Variants in ZNF462 observed in about 807,000 individuals in gnomAD.
ZNF462 encodes the protein zinc finger protein 462, also known as zinc finger PBX1-interacting protein.
ZNF462 carries 10 observed loss-of-function variants against 201.9 expected under a neutral mutation model. That is an observed-to-expected ratio of 0.05 (90% CI 0.03 to 0.08). ZNF462 has a LOEUF of 0.08. Ranked by LOEUF, ZNF462 falls within the 10% of genes least tolerant of loss-of-function variation. The pLI, the probability that ZNF462 is intolerant of heterozygous loss-of-function variation, is 1.00. For missense variants in ZNF462, 2,523 were observed against 3,168.3 expected, an observed-to-expected ratio of 0.80 and a Z score of 4.89; for synonymous variants, 1,227 against 1,193.3, an observed-to-expected ratio of 1.03 and a Z score of -0.58.
Position 106,966,090 on chromosome 9 carries a change from TTC to T in ZNF462, c.6428-5913_6428-5912del, listed in dbSNP as rs1832057281. On this transcript the variant is annotated intron_variant, in intron 7 of 12. Coordinates refer to ENST00000277225, the MANE Select transcript of ZNF462 (RefSeq NM_021224.6). The surrounding 1 kb of genome is among the most constrained non-coding windows in gnomAD (Gnocchi z 4.4). ...TATCTTAAGTTATCCACAGATAATATTCTGTTTCTAATGGCCCATGCTACCAA... is the reference window on the plus strand; with the variant it reads ...TATCTTAAGTTATCCACAGATAATATTGTTTCTAATGGCCCATGCTACCAA... 6.6e-6 allele frequency among the ~76,000 whole-genome samples: 1 copy of T among 152,068 alleles called. No individual in the cohort carries two copies. The highest frequency in any genetic ancestry group is 1.5e-5 in the Non-Finnish European group (1 of 67,980).
rs2072274598 is a variant in ZNF462, at chr9:106,928,924, C to T, written c.5012C>T (p.Thr1671Met). 6.2e-7 allele frequency: 1 copy of T among 1,613,950 alleles called. No homozygotes were observed. The highest frequency in any genetic ancestry group is 8.5e-7 in the Non-Finnish European group (1 of 1,180,032). ...CAGCTCTGCAAGTACTTCTGCTCCA[C>T]GAGGAAGGGGATCGCCAGGCACTAC... The part of the protein sequence containing the change: ...RCQLCKYFCS[T>M]RKGIARHYRI... The change falls in exon 3 of 13, where the codon ACG becomes ATG. Residue 1671 changes from threonine (T) to methionine (M), a missense_variant. Coordinates refer to ENST00000277225, the MANE Select transcript of ZNF462 (RefSeq NM_021224.6). The surrounding 1 kb of genome is among the most constrained non-coding windows in gnomAD (Gnocchi z 9.3).
rs189909922 is a variant in ZNF462 at position 107,005,194 on chromosome 9, T to G, written c.7189+1768T>G. Among the ~76,000 whole-genome samples, 6 of 152,304 alleles carry G rather than the reference T, an allele frequency of 3.9e-5. No homozygotes were observed. The highest frequency in any genetic ancestry group is 1.2e-4 in the African/African-American group (5 of 41,578). ...TGAACGTGAGAGTGCAGATATTTCT[T>G]CAATATCCTGCTTTCATTTCCTTTG... On this transcript the variant is annotated intron_variant, in intron 11 of 12. Coordinates refer to ENST00000277225, the MANE Select transcript of ZNF462 (RefSeq NM_021224.6). The surrounding 1 kb of genome is among the most constrained non-coding windows in gnomAD (Gnocchi z 4.4).
Position 106,984,470 on chromosome 9 carries a change from GAC to G in ZNF462, c.7056+64_7056+65del, listed in dbSNP as rs1827677301. The G allele has an allele frequency of 7.4e-7, 1 of 1,355,814 alleles. No individual in the cohort carries two copies. Among genetic ancestry groups the G allele is most frequent in the Admixed American group, 1.9e-5 (1 of 51,364 alleles). 84.0% of individuals were successfully genotyped at this position (1,355,814 alleles called of 1,614,324 possible). ...ACTTGTGGGGAGGGGCCAAGGGGGA[GAC>G]ACCACTGCATTTAGTCACGACCACT... On this transcript the variant is annotated intron_variant, in intron 10 of 12. Coordinates refer to ENST00000277225, the MANE Select transcript of ZNF462 (RefSeq NM_021224.6). This position sits in a 1 kb window ranked among gnomAD's most constrained non-coding sequence, Gnocchi z 6.4.
At chr9:106,862,397 G>A (rs1198593311), upstream of ZNF462, among the ~76,000 whole-genome samples, 5 of 152,098 alleles carry the variant, frequency 3.3e-5, no homozygotes, top group Admixed American at 2.6e-4. This position sits in a 1 kb window ranked among gnomAD's most constrained non-coding sequence, Gnocchi z 4.2. Context: ...TCCTCACCGG[G>A]GGCTTCCTCT....
rs1286972243 is a variant in ZNF462, at chr9:106,977,631, G to A, written c.6832+3358G>A. ...CTATGCTTGGTTCTTTGGGCAAAAT[G>A]GGGAACATAAGACCCAGCACCCACT... On this transcript the variant is annotated intron_variant, in intron 9 of 12. Transcript: ENST00000277225. The surrounding 1 kb of genome is among the most constrained non-coding windows in gnomAD (Gnocchi z 4.6). Among the ~76,000 whole-genome samples, 1 of 151,476 alleles carries A rather than the reference G, an allele frequency of 6.6e-6. No individual in the cohort carries two copies. The highest frequency in any genetic ancestry group is 2.1e-4 in the South Asian group (1 of 4,822).
rs1422498599 is a variant in ZNF462, at chr9:106,929,230, C to T, written c.5318C>T (p.Ser1773Phe). ...AVEKKKCSLCSFQSFSKKGIV... is the reference protein window; with the variant it reads ...AVEKKKCSLCFFQSFSKKGIV... ...GAGAAGAAAAAGTGCTCCTTGTGCT[C>T]TTTCCAGTCGTTCAGCAAGAAGGGC... The change falls in exon 3 of 13, where the codon TCT becomes TTT. Residue 1773 changes from serine (S) to phenylalanine (F), a missense_variant. Ser to Phe is a radical substitution (Grantham distance 155). Transcript: ENST00000277225. This position sits in a 1 kb window ranked among gnomAD's most constrained non-coding sequence, Gnocchi z 8.7. The T allele has an allele frequency of 6.2e-7, 1 of 1,614,200 alleles. No individual in the cohort carries two copies. Among genetic ancestry groups the T allele is most frequent in the Non-Finnish European group, 8.5e-7 (1 of 1,180,044 alleles).
At chr9:106,946,762 A>G (rs1229820692) in intron 7 of ZNF462, among the ~76,000 whole-genome samples, 1 of 152,180 alleles carries the variant, frequency 6.6e-6, no homozygotes, top group Non-Finnish European at 1.5e-5. Context: ...TGAGGCCAGG[A>G]GTTCAAGACC....
rs1346055082 is a variant in ZNF462, at chr9:106,905,151, G to A, written c.-30-18203G>A. 6.6e-6 allele frequency among the ~76,000 whole-genome samples: 1 copy of A among 152,110 alleles called. No individual in the cohort carries two copies. The highest frequency in any genetic ancestry group is 2.4e-5 in the African/African-American group (1 of 41,416). ...GTAGTACTCTCCCCCTTTTCCTATGGATGTGGCTTCCTATGAGCCAAACTT... is the reference window on the plus strand; with the variant it reads ...GTAGTACTCTCCCCCTTTTCCTATGAATGTGGCTTCCTATGAGCCAAACTT... On this transcript the variant is annotated intron_variant, in intron 1 of 12. Coordinates refer to ENST00000277225, the MANE Select transcript of ZNF462 (RefSeq NM_021224.6). The surrounding 1 kb of genome is among the most constrained non-coding windows in gnomAD (Gnocchi z 5.9).
chr9:106,864,453 C>G (rs559997781), intron 1 of ZNF462, among the ~76,000 whole-genome samples: 1 of 151,936 alleles, frequency 6.6e-6, no homozygotes, highest in African/African-American at 2.4e-5. Flanking sequence ...GCCGCAGCCG[C>G]CCCCCATTGG....
intron 9 of ZNF462, among the ~76,000 whole-genome samples, chr9:106,980,933 C>T (rs1215952950): frequency 6.6e-6 from 1 of 152,180 alleles, no homozygotes; most frequent in Admixed American, 6.5e-5. Context: ...CCAGTCTATA[C>T]CTGGAACCAT....
Position 106,977,877 on chromosome 9 carries a change from AC to A in ZNF462, c.6832+3605del, listed in dbSNP as rs1174360063. On this transcript the variant is annotated intron_variant, in intron 9 of 12. Coordinates refer to ENST00000277225, the MANE Select transcript of ZNF462 (RefSeq NM_021224.6). This position sits in a 1 kb window ranked among gnomAD's most constrained non-coding sequence, Gnocchi z 4.6. ...TAAAACAATAGAAATGTATTCTCTC[AC>A]AGTTCTGGAAGCTAGAACTCTGAAA... 1.3e-5 allele frequency among the ~76,000 whole-genome samples: 2 copies of A among 151,538 alleles called. No homozygotes were observed. The highest frequency in any genetic ancestry group is 2.9e-5 in the Non-Finnish European group (2 of 68,036).
In ZNF462 at chr9:106,895,614, A is replaced by G. The variant is rs577978568; in HGVS notation, c.-30-27740A>G. On this transcript the variant is annotated intron_variant, in intron 1 of 12. Transcript: ENST00000277225. The surrounding 1 kb of genome is among the most constrained non-coding windows in gnomAD (Gnocchi z 4.4). ...GAGGGAGGGAAGGCTCTGACATTTG[A>G]AACTGGATAGATCTTACGTTATTTA... Among the ~76,000 whole-genome samples, 1 of 152,298 alleles carries G rather than the reference A, an allele frequency of 6.6e-6. No individual in the cohort carries two copies. Among genetic ancestry groups the G allele is most frequent in the South Asian group, 2.1e-4 (1 of 4,824 alleles).
At position 106,926,266 on chromosome 9, in the gene ZNF462, A is replaced by G. The variant is rs150236460; in HGVS notation, c.2354A>G (p.Asn785Ser). The G allele has an allele frequency of 5.8e-5, 93 of 1,614,158 alleles. No homozygotes were observed. The highest frequency in any genetic ancestry group is 5.2e-4 in the African/African-American group (39 of 75,034). The change falls in exon 3 of 13, where the codon AAT becomes AGT. Residue 785 changes from asparagine to serine, a missense_variant. By Grantham distance (46) the Asn-to-Ser change is conservative. Coordinates refer to ENST00000277225, the MANE Select transcript of ZNF462 (RefSeq NM_021224.6). The surrounding 1 kb of genome is among the most constrained non-coding windows in gnomAD (Gnocchi z 7.9). ...ATCACCCACGATTACAATGCCACCA[A>G]TGGGGCTGAGATTGAGCTCACCCTT... ...RNITHDYNAT[N>S]GAEIELTLSE...
chr9:106,886,715 A>C lies in ZNF462; in HGVS notation c.-31+23360A>C, dbSNP rs897466759. On this transcript the variant is annotated intron_variant, in intron 1 of 12. Coordinates refer to ENST00000277225, the MANE Select transcript of ZNF462 (RefSeq NM_021224.6). This position sits in a 1 kb window ranked among gnomAD's most constrained non-coding sequence, Gnocchi z 4.6. ...CCACAATGTAGGAAGTTAGTTAAGG[A>C]AGCCTGAAATGGAATATCAGTTTTC... Among the ~76,000 whole-genome samples the C allele has an allele frequency of 6.6e-6, 1 of 152,188 alleles. No homozygotes were observed. Among genetic ancestry groups the C allele is most frequent in the African/African-American group, 2.4e-5 (1 of 41,452 alleles).
rs1238385151 is a variant in ZNF462, at chr9:106,922,879, A to G, written c.-30-475A>G. Among the ~76,000 whole-genome samples the G allele has an allele frequency of 2.0e-5, 3 of 152,234 alleles. No individual in the cohort carries two copies. In the South Asian group the frequency reaches 6.2e-4, roughly 32 times the overall value. ...AAATACTATTTCACTAATTGGTGAT[A>G]AAACACCAAGGTCATAATACTAAAT... On this transcript the variant is annotated intron_variant, in intron 1 of 12. Transcript: ENST00000277225.
chr9:106,965,738 C>G (rs1317203634), intron 7 of ZNF462, among the ~76,000 whole-genome samples: 1 of 152,078 alleles, frequency 6.6e-6, no homozygotes, highest in African/African-American at 2.4e-5. Flanking sequence ...AGTCTTTCAG[C>G]TTTAGATGAA....
chr9:106,893,075 T>G (rs1214994890), intron 1 of ZNF462, among the ~76,000 whole-genome samples: 1 of 152,242 alleles, frequency 6.6e-6, no homozygotes, highest in Non-Finnish European at 1.5e-5. Context: ...AGACAAATCC[T>G]TGCCTTACAT....
At chr9:106,994,668 T>C (rs1828560700) in intron 10 of ZNF462, among the ~76,000 whole-genome samples, 1 of 152,152 alleles carries the variant, frequency 6.6e-6, no homozygotes, top group Non-Finnish European at 1.5e-5. Flanking sequence ...CTCTGTCTCT[T>C]CCGTGTGTTG....
Position 106,968,361 on chromosome 9 carries a change from T to C in ZNF462, c.6428-3644T>C, listed in dbSNP as rs1832176786. The stretch of plus-strand genomic sequence containing the variant: ...GACCATCATTGCTAAAATTCTAATT[T>C]GATCCTGATTTTAATTCATTTCTTA... On this transcript the variant is annotated intron_variant, in intron 7 of 12. Coordinates refer to ENST00000277225, the MANE Select transcript of ZNF462 (RefSeq NM_021224.6). The surrounding 1 kb of genome is among the most constrained non-coding windows in gnomAD (Gnocchi z 4.0). Among the ~76,000 whole-genome samples, 1 of 152,230 alleles carries C rather than the reference T, an allele frequency of 6.6e-6. No homozygotes were observed. Among genetic ancestry groups the C allele is most frequent in the Admixed American group, 6.5e-5 (1 of 15,280 alleles).
Sources: allele counts gnomAD v4.1 joint callset (sites outside exome capture counted in the v4.1 genomes callset), GRCh38; gene constraint gnomAD v4.1.1; non-coding constraint Gnocchi (gnomAD v3.1); transcripts MANE v1.5; gene names NCBI Gene and HGNC (gene_info 2026-07-23, HGNC 2026-07-21).